SNX30: variants seen among roughly 807,000 people sequenced by gnomAD.
SNX30 encodes the protein sorting nexin family member 30, also known as sorting nexin-30.
A neutral mutation model predicts 46.4 loss-of-function variants in SNX30; 24 were observed. That is an observed-to-expected ratio of 0.52 (90% CI 0.37 to 0.73). The LOEUF is 0.73. Ranked by LOEUF, SNX30 falls within the 30% of genes least tolerant of loss-of-function variation. The pLI, the probability that SNX30 is intolerant of heterozygous loss-of-function variation, is 0.00. For synonymous variants in SNX30, 189 were observed against 211.5 expected, an observed-to-expected ratio of 0.89 and a Z score of 0.92; for missense variants, 533 against 555.7, an observed-to-expected ratio of 0.96 and a Z score of 0.41.
At chr9:112,839,395 G>A (rs181965897) in intron 6 of SNX30, among the ~76,000 whole-genome samples, 98 of 152,344 alleles carry the variant, frequency 6.4e-4, no homozygotes, top group African/African-American at 2.1e-3. Flanking sequence ...TTAAAGCAGA[G>A]GGAGGGGCAG....
At position 112,751,068 on chromosome 9, in the gene SNX30, C is replaced by A; in HGVS notation, c.67C>A (p.Pro23Thr). 2.0e-6 allele frequency: 3 copies of A among 1,500,000 alleles called. No homozygotes were observed. Among genetic ancestry groups the A allele is most frequent in the Non-Finnish European group, 1.8e-6 (2 of 1,130,736 alleles). The allele number at this position is 1,500,000 out of a possible 1,614,324, so 92.9% of individuals were successfully genotyped here. A position where few individuals can be genotyped will look rare whatever the true frequency, so the allele number is the denominator to read the frequency against. ...GPHSLRDMPH[P>T]LAGSSSEEAV... Reference sequence around the variant, plus strand: ...CCACTCCCTGCGCGACATGCCGCACCCGCTGGCCGGCTCCAGCAGCGAGGA... The same window carrying A: ...CCACTCCCTGCGCGACATGCCGCACACGCTGGCCGGCTCCAGCAGCGAGGA... Residue 23 changes from proline to threonine, a missense_variant, in exon 1 of 9, where the codon CCG becomes ACG. By Grantham distance (38) the Pro-to-Thr change is conservative (BLOSUM62 -1). Around this residue, in one of 3 missense-constraint regions of SNX30, gnomAD observed 191 missense variants for 160.3 expected, o/e 1.19. Coordinates refer to ENST00000374232, the MANE Select transcript of SNX30 (RefSeq NM_001012994.2).
At chr9:112,771,345 AGGGT>A (rs1839645746) in intron 1 of SNX30, among the ~76,000 whole-genome samples, 1 of 152,238 alleles carries the variant, frequency 6.6e-6, no homozygotes, top group Admixed American at 6.5e-5. Context: ...GGCTATTAGT[AGGGT>A]GCTGGTTTTG....
intron 1 of SNX30, among the ~76,000 whole-genome samples, chr9:112,785,848 T>C (rs1222180085): frequency 6.6e-6 from 1 of 152,158 alleles, no homozygotes; most frequent in Admixed American, 6.5e-5. Flanking sequence ...AAATTTTGTC[T>C]AACAACACTA....
intron 6 of SNX30, among the ~76,000 whole-genome samples, chr9:112,843,495 C>T (rs1588135668): frequency 6.6e-6 from 1 of 152,090 alleles, no homozygotes; most frequent in Non-Finnish European, 1.5e-5. Flanking sequence ...GCAGCCAGTG[C>T]AAAGTCCGAA....
chr9:112,864,588 G>A (rs540724547), intron 8 of SNX30, among the ~76,000 whole-genome samples, 189 bp downstream of exon 8: 13 of 152,276 alleles, frequency 8.5e-5, no homozygotes, highest in Admixed American at 1.3e-4. Context: ...CAGCAGAGGG[G>A]GTGCTCACAG....
intron 2 of SNX30, among the ~76,000 whole-genome samples, chr9:112,815,882 G>A (rs142495750): frequency 4.9e-4 from 74 of 152,152 alleles, no homozygotes; most frequent in Middle Eastern, 3.4e-3. Context: ...TCACTCTGTC[G>A]CCTAGGCTGA....
chr9:112,791,979 G>A (rs989992139), intron 1 of SNX30, among the ~76,000 whole-genome samples: 2 of 152,100 alleles, frequency 1.3e-5, no homozygotes, highest in Non-Finnish European at 2.9e-5. Flanking sequence ...AATTCTTTTA[G>A]TGTACTGTTA....
chr9:112,876,635 C>G (rs1254346441), downstream of SNX30, among the ~76,000 whole-genome samples: 1 of 149,646 alleles, frequency 6.7e-6, no homozygotes, highest in East Asian at 2.0e-4. Flanking sequence ...ACCTTGGAGG[C>G]CTCAAGAATT....
intron 2 of SNX30, among the ~76,000 whole-genome samples, chr9:112,808,510 A>G (rs1416220371): frequency 2.0e-5 from 3 of 152,222 alleles, no homozygotes; most frequent in Non-Finnish European, 4.4e-5. Flanking sequence ...CAAGAAAGTA[A>G]CATCATAACA....
chr9:112,785,304 C>T (rs906859819), intron 1 of SNX30, among the ~76,000 whole-genome samples: 1 of 152,036 alleles, frequency 6.6e-6, no homozygotes, highest in Admixed American at 6.6e-5. Context: ...CAGCCTCGAC[C>T]TCCTGGGCTT....
chr9:112,870,780 T>C lies in SNX30; in HGVS notation c.*1937T>C, dbSNP rs1841433569. The C allele has an allele frequency of 6.6e-6, 1 of 152,250 alleles. No individual in the cohort carries two copies. The highest frequency in any genetic ancestry group is 1.5e-5 in the Non-Finnish European group (1 of 68,060). The allele number at this position is 152,250 out of a possible 1,614,324, so 9.4% of individuals were successfully genotyped here. A position where few individuals can be genotyped will look rare whatever the true frequency, so the allele number is the denominator to read the frequency against. On this transcript the variant is annotated 3_prime_UTR_variant, in exon 9 of 9. Coordinates refer to ENST00000374232, the MANE Select transcript of SNX30 (RefSeq NM_001012994.2). ...GCGAGCTGACAGCCCTCTGCTGATATTTGGCAGAAGGCACCAGACCAGCCC... is the reference window on the plus strand; with the variant it reads ...GCGAGCTGACAGCCCTCTGCTGATACTTGGCAGAAGGCACCAGACCAGCCC...
At chr9:112,878,818 C>A (rs1335828513), downstream of SNX30, 1 of 152,176 alleles carries the variant, frequency 6.6e-6, no homozygotes, top group Non-Finnish European at 1.5e-5. Flanking sequence ...AGCCCAAATA[C>A]CTTGAATGTA....
chr9:112,876,647 AG>A (rs1181673833), downstream of SNX30, among the ~76,000 whole-genome samples: 1 of 151,990 alleles, frequency 6.6e-6, no homozygotes, highest in Non-Finnish European at 1.5e-5. Flanking sequence ...TCAAGAATTA[AG>A]AATACAGGCA....
chr9:112,864,934 A>C (rs1241050237), intron 8 of SNX30, among the ~76,000 whole-genome samples: 1 of 152,002 alleles, frequency 6.6e-6, no homozygotes, highest in Non-Finnish European at 1.5e-5. Flanking sequence ...TTCTATTAAA[A>C]ACTTTTACTC....
chr9:112,791,435 G>A (rs563178444), intron 1 of SNX30, among the ~76,000 whole-genome samples: 2 of 54,064 alleles, frequency 3.7e-5, no homozygotes, highest in Admixed American at 6.1e-4. Flanking sequence ...TTTTGAGACG[G>A]AGCCTTGCTC....
downstream of SNX30, chr9:112,885,518 T>C (rs1841631754): frequency 2.0e-5 from 3 of 151,658 alleles, no homozygotes; most frequent in Non-Finnish European, 4.4e-5. Flanking sequence ...AAGGAAGTGG[T>C]AAAAGGGCCT....
rs1841014232 is a variant in SNX30 at position 112,850,927 on chromosome 9, G to A, written c.1083G>A (p.Arg361=). 1 of 1,614,090 alleles carries A rather than the reference G, an allele frequency of 6.2e-7. No individual in the cohort carries two copies. Among genetic ancestry groups the A allele is most frequent in the Non-Finnish European group, 8.5e-7 (1 of 1,180,008 alleles). ...YEAKLEAVAL[R]KEDRPKVPAD... is the part of the protein sequence containing the mutation. ...CCAAACTGGAAGCTGTGGCTCTGCG[G>A]AAGGAAGACCGCCCCAAGGTCAGGG... The change falls in exon 7 of 9, where the codon CGG becomes CGA. Residue 361 remains arginine, a synonymous_variant. Coordinates refer to ENST00000374232, the MANE Select transcript of SNX30 (RefSeq NM_001012994.2).
intron 5 of SNX30, among the ~76,000 whole-genome samples, chr9:112,880,799 A>G (rs865984644): frequency 5.3e-4 from 80 of 152,130 alleles, no homozygotes; most frequent in African/African-American, 1.7e-3. Context: ...AAATTTTTTT[A>G]TCCATTTATG....
At position 112,836,365 on chromosome 9, in the gene SNX30, G is replaced by C; in HGVS notation, c.770G>C (p.Gly257Ala). The C allele has an allele frequency of 1.9e-6, 3 of 1,607,728 alleles. No homozygotes were observed. Among genetic ancestry groups the C allele is most frequent in the Non-Finnish European group, 2.6e-6 (3 of 1,174,504 alleles). The change falls in exon 5 of 9, where the codon GGA becomes GCA. Residue 257 changes from glycine (G) to alanine (A), a missense_variant. By Grantham distance (60) the Gly-to-Ala change is moderately conservative. This residue lies in a region of SNX30 where 261 missense variants were observed against 270.9 expected (regional missense o/e 0.96). Transcript: ENST00000374232. ...TTAGATACATTTGCACTCAAACTGG[G>C]AACCATTGATCGAATAGCCCAGCGG... ...DYLDTFALKL[G>A]TIDRIAQRII...
Sources: allele counts gnomAD v4.1 joint callset (sites outside exome capture counted in the v4.1 genomes callset), GRCh38; gene constraint gnomAD v4.1.1; regional missense constraint gnomAD v4.1.1; transcripts MANE v1.5; gene names NCBI Gene and HGNC (gene_info 2026-07-23, HGNC 2026-07-21).